The following SUPT3H variants were observed in gnomAD, a reference collection of about 807,000 sequenced individuals.
SUPT3H encodes transcription initiation protein SPT3 homolog.
In SUPT3H, 44 loss-of-function variants were observed where a neutral mutation model predicts 44.3. The observed-to-expected ratio is 0.99, with a 90% CI of 0.78 to 1.28. SUPT3H has a LOEUF of 1.28. Among genes scored for constraint, SUPT3H ranks in the 50% most tolerant of loss-of-function variants. The probability of loss-of-function intolerance (pLI) is 0.00; values close to 1 mark genes in which losing one functional copy is unlikely to be tolerated. For missense variants in SUPT3H, 380 were observed against 387.1 expected, an observed-to-expected ratio of 0.98 and a Z score of 0.15; for synonymous variants, 124 against 125.6, an observed-to-expected ratio of 0.99 and a Z score of 0.09.
intron 2 of SUPT3H, among the ~76,000 whole-genome samples, chr6:45,232,858 C>A (rs1487164514): frequency 6.6e-6 from 1 of 152,118 alleles, no homozygotes; most frequent in Non-Finnish European, 1.5e-5. Flanking sequence ...CACTCACAGC[C>A]CTGGAAAGCT....
At chr6:45,178,360 G>A (rs62053610) in intron 2 of SUPT3H, among the ~76,000 whole-genome samples, 1 of 152,096 alleles carries the variant, frequency 6.6e-6, no homozygotes, top group Admixed American at 6.5e-5. Context: ...AACAAGAAGA[G>A]CTAACTATCC....
chr6:44,820,793 G>C (rs1201681751), intron 11 of SUPT3H, among the ~76,000 whole-genome samples: 1 of 152,190 alleles, frequency 6.6e-6, no homozygotes. Context: ...TGATGTGCTA[G>C]AGCAGGGGTT....
chr6:45,112,543 G>C (rs960105358), intron 2 of SUPT3H, among the ~76,000 whole-genome samples: 3 of 152,076 alleles, frequency 2.0e-5, no homozygotes, highest in Admixed American at 6.5e-5. Flanking sequence ...ATTAAGAATA[G>C]AGGGGAAGGA....
chr6:45,272,471 C>T (rs553982182), intron 2 of SUPT3H, among the ~76,000 whole-genome samples: 13 of 152,270 alleles, frequency 8.5e-5, no homozygotes, highest in African/African-American at 2.2e-4. Flanking sequence ...GAGGCTTCCC[C>T]GGCCATGTGG....
Position 45,095,939 on chromosome 6 carries a change from T to C in SUPT3H, c.186+9983A>G, listed in dbSNP as rs1375487361. 6.6e-6 allele frequency among the ~76,000 whole-genome samples: 1 copy of C among 152,124 alleles called. No individual in the cohort carries two copies. Among genetic ancestry groups the C allele is most frequent in the Non-Finnish European group, 1.5e-5 (1 of 67,998 alleles). ...TGTGAAATTCTTGGAAATTTTCTAATCCATTTCTCATCTCAATCATGCCAT... is the reference window on the plus strand; with the variant it reads ...TGTGAAATTCTTGGAAATTTTCTAACCCATTTCTCATCTCAATCATGCCAT... On this transcript the variant is annotated intron_variant, in intron 3 of 10. Transcript: ENST00000371459. This position sits in a 1 kb window ranked among gnomAD's most constrained non-coding sequence, Gnocchi z 4.1.
At chr6:45,167,293 C>A (rs1041242094) in intron 2 of SUPT3H, among the ~76,000 whole-genome samples, 2 of 152,154 alleles carry the variant, frequency 1.3e-5, no homozygotes, top group African/African-American at 4.8e-5. Flanking sequence ...GAATGCTTTC[C>A]AAGTATACCA....
intron 5 of SUPT3H, among the ~76,000 whole-genome samples, chr6:45,013,179 C>T (rs1257865527): frequency 6.6e-6 from 1 of 152,018 alleles, no homozygotes; most frequent in Non-Finnish European, 1.5e-5. Context: ...TTAAGTTTTG[C>T]TCTGACTGCA....
intron 10 of SUPT3H, among the ~76,000 whole-genome samples, chr6:44,845,501 G>A (rs1771710222): frequency 1.3e-5 from 2 of 152,272 alleles, no homozygotes; most frequent in South Asian, 4.1e-4. Context: ...AGAAGGGTGG[G>A]TCCCTGGTGA....
At chr6:45,127,390 C>T (rs768005078) in intron 2 of SUPT3H, among the ~76,000 whole-genome samples, 12 of 152,154 alleles carry the variant, frequency 7.9e-5, no homozygotes, top group Non-Finnish European at 1.3e-4. Context: ...TGACATCATA[C>T]ACTTCCCAGG....
At chr6:44,813,327 T>C (rs1766667751) in intron 11 of SUPT3H, among the ~76,000 whole-genome samples, 1 of 152,066 alleles carries the variant, frequency 6.6e-6, no homozygotes, top group Non-Finnish European at 1.5e-5. Context: ...CTGGGACTAC[T>C]ACAGGCACAT....
chr6:45,347,015 A>C (rs560513366), intron 2 of SUPT3H, among the ~76,000 whole-genome samples: 2 of 152,290 alleles, frequency 1.3e-5, no homozygotes, highest in East Asian at 3.9e-4. Context: ...ATGCCTTAAA[A>C]ATAACTTACA....
At chr6:44,967,124 T>C (rs531775555) in intron 6 of SUPT3H, among the ~76,000 whole-genome samples, 134 of 152,368 alleles carry the variant, frequency 8.8e-4, no homozygotes, top group African/African-American at 2.9e-3. Flanking sequence ...CTAAGTATTA[T>C]AACATAGGCA....
chr6:45,067,617 G>GA (rs1216080889), intron 3 of SUPT3H, among the ~76,000 whole-genome samples: 19 of 147,130 alleles, frequency 1.3e-4, no homozygotes, highest in East Asian at 4.0e-4. Context: ...AAATTTACAA[G>GA]AAAAAAAAAA....
chr6:44,905,391 T>C (rs966893683), intron 10 of SUPT3H, among the ~76,000 whole-genome samples: 2 of 148,164 alleles, frequency 1.3e-5, no homozygotes, highest in Non-Finnish European at 3.0e-5. Context: ...AAAGAAGACA[T>C]TTATGCAGCC....
intron 2 of SUPT3H, among the ~76,000 whole-genome samples, chr6:45,164,746 T>C (rs1413587605): frequency 1.3e-5 from 2 of 152,194 alleles, no homozygotes; most frequent in African/African-American, 4.8e-5. Context: ...TGTGAACTTA[T>C]ATTTTGTCAT....
At chr6:45,186,448 T>TA (rs1199128218) in intron 2 of SUPT3H, among the ~76,000 whole-genome samples, 1 of 151,828 alleles carries the variant, frequency 6.6e-6, no homozygotes, top group Non-Finnish European at 1.5e-5. Flanking sequence ...GAAACACAAT[T>TA]AAAAAAATAA....
intron 3 of SUPT3H, among the ~76,000 whole-genome samples, chr6:45,033,013 G>A (rs1227422583): frequency 6.6e-6 from 1 of 152,168 alleles, no homozygotes; most frequent in East Asian, 1.9e-4. Context: ...GGCTCCTACT[G>A]TGTGCTCTGT....
chr6:44,894,939 T>C (rs1738309791), intron 10 of SUPT3H, among the ~76,000 whole-genome samples: 1 of 151,886 alleles, frequency 6.6e-6, no homozygotes, highest in African/African-American at 2.4e-5. Flanking sequence ...AACTTTTAAT[T>C]TCACTTTTCC....
At chr6:45,234,102 A>C (rs1236256305) in intron 2 of SUPT3H, among the ~76,000 whole-genome samples, 1 of 152,196 alleles carries the variant, frequency 6.6e-6, no homozygotes, top group Non-Finnish European at 1.5e-5. Flanking sequence ...TTTTAAAGCT[A>C]TAAAATCCCC....
Sources: allele counts gnomAD v4.1 joint callset (sites outside exome capture counted in the v4.1 genomes callset), GRCh38; gene constraint gnomAD v4.1.1; non-coding constraint Gnocchi (gnomAD v3.1); transcripts MANE v1.5; gene names NCBI Gene and HGNC (gene_info 2026-07-23, HGNC 2026-07-21).